Variants in SP1 observed in about 807,000 individuals in gnomAD.
SP1 encodes the protein transcription factor Sp1.
Under a neutral mutation model 66.3 loss-of-function variants are expected in SP1, and 6 were observed. That is an observed-to-expected ratio of 0.09 (90% CI 0.05 to 0.18). The LOEUF (loss-of-function observed/expected upper bound fraction) is 0.18, where lower values mean the gene tolerates loss of function less well. SP1 is among the 10% of genes least tolerant of loss of function. The pLI is 1.00. For missense variants in SP1, 848 were observed against 964.5 expected (o/e 0.88, Z 1.60); for synonymous variants, 417 against 360.8 (o/e 1.16, Z -1.77).
intron 3 of SP1, among the ~76,000 whole-genome samples, chr12:53,406,384 A>T (rs1276050444): frequency 1.3e-5 from 2 of 151,970 alleles, no homozygotes; most frequent in Non-Finnish European, 2.9e-5. Flanking sequence ...TGGTATTTTC[A>T]ATGATGATTC....
intron 3 of SP1, among the ~76,000 whole-genome samples, chr12:53,395,388 A>C (rs1938463889): frequency 1.3e-5 from 2 of 152,216 alleles, no homozygotes; most frequent in South Asian, 4.2e-4. Context: ...ATTAAAAAAC[A>C]AAAAAGAGTG....
intron 3 of SP1, among the ~76,000 whole-genome samples, chr12:53,390,131 G>A (rs920730071): frequency 6.6e-6 from 1 of 152,096 alleles, no homozygotes; most frequent in Non-Finnish European, 1.5e-5. Context: ...TGATTTAAAT[G>A]TCTTACCAGT....
chr12:53,406,956 C>G (rs1390893771), intron 4 of SP1, among the ~76,000 whole-genome samples: 3 of 151,704 alleles, frequency 2.0e-5, no homozygotes, highest in African/African-American at 7.3e-5. Context: ...TCCCGAGTAG[C>G]TGGGACTACA....
At chr12:53,399,176 C>A (rs2136908353) in intron 3 of SP1, among the ~76,000 whole-genome samples, 1 of 152,212 alleles carries the variant, frequency 6.6e-6, no homozygotes, top group African/African-American at 2.4e-5. Context: ...ACATTTGTTT[C>A]CAAAATTTCA....
chr12:53,383,692 G>A (rs892085526), intron 3 of SP1, 70 bp downstream of exon 3: 5 of 1,250,590 alleles, frequency 4.0e-6, no homozygotes, highest in Middle Eastern at 2.1e-4. Context: ...TGAGTCTAAA[G>A]AAAGGAATAG....
intron 4 of SP1, among the ~76,000 whole-genome samples, chr12:53,407,396 T>C (rs945508326): frequency 1.3e-5 from 2 of 151,836 alleles, no homozygotes; most frequent in African/African-American, 4.8e-5. Flanking sequence ...GGCACATTCT[T>C]GGCTCACTGC....
intron 3 of SP1, among the ~76,000 whole-genome samples, chr12:53,403,181 A>C (rs1193260996): frequency 1.3e-5 from 2 of 152,218 alleles, no homozygotes; most frequent in East Asian, 3.9e-4. Context: ...TATTAGGCAT[A>C]GTAACTCAAA....
rs1000111602 is a variant in SP1, at chr12:53,406,608, C to T, written c.1699C>T (p.Leu567Phe). 5 of 1,613,864 alleles carry T rather than the reference C, an allele frequency of 3.1e-6. No homozygotes were observed. The African/African-American group carries it at 6.7e-5, about 22-fold the overall frequency. ...AGGTGATCATGGAGCTCAGCTTGGT[C>T]TCCATGGGGCTGGTGGTGATGGAAT... Reference protein sequence around the residue: ...APGDHGAQLGLHGAGGDGIHD... With the variant: ...APGDHGAQLGFHGAGGDGIHD... Residue 567 changes from leucine (L) to phenylalanine (F), a missense_variant, in exon 4 of 6, where the codon CTC (leucine) becomes TTC (phenylalanine). Leu to Phe is a conservative substitution (Grantham distance 22). Transcript: ENST00000327443.
intron 4 of SP1, 58 bp downstream of exon 4, chr12:53,406,811 T>G: frequency 6.9e-7 from 1 of 1,445,780 alleles, no homozygotes; most frequent in Non-Finnish European, 9.4e-7. Context: ...GATTTGGAGA[T>G]AAGAGGAAGA....
chr12:53,415,046 A>G lies in SP1; in HGVS notation c.*3806A>G, dbSNP rs2136925211. ...AATCTCAGAATTTATCTCCCTTAGA[A>G]GAGAGCCAGTAACTTATGTACAAGG... On this transcript the variant is annotated 3_prime_UTR_variant, in exon 6 of 6. Coordinates refer to ENST00000327443, the MANE Select transcript of SP1 (RefSeq NM_138473.3). 1 of 152,730 alleles carries G rather than the reference A, an allele frequency of 6.5e-6. No homozygotes were observed. The highest frequency in any genetic ancestry group is 2.1e-4 in the South Asian group (1 of 4,830). 9.5% of individuals were successfully genotyped at this position (152,730 alleles called of 1,614,324 possible).
At position 53,415,632 on chromosome 12, in the gene SP1, A is replaced by G. The variant is rs1938980402; in HGVS notation, c.*4392A>G. The G allele has an allele frequency of 6.7e-6, 1 of 150,098 alleles. No homozygotes were observed. The highest frequency in any genetic ancestry group is 1.5e-5 in the Non-Finnish European group (1 of 67,504). 9.3% of individuals were successfully genotyped at this position (150,098 alleles called of 1,614,324 possible). A position where few individuals can be genotyped will look rare whatever the true frequency, so the allele number is the denominator to read the frequency against. Reference sequence around the variant, plus strand: ...CAACTGCCCTAAGTCCTAGCTAAGTATCAGGGGAAAAAAAAAAAAAAAAAG... The same window carrying G: ...CAACTGCCCTAAGTCCTAGCTAAGTGTCAGGGGAAAAAAAAAAAAAAAAAG... On this transcript the variant is annotated 3_prime_UTR_variant, in exon 6 of 6. Coordinates refer to ENST00000327443, the MANE Select transcript of SP1 (RefSeq NM_138473.3).
In SP1 at chr12:53,412,808, C is replaced by T. The variant is rs1938921762; in HGVS notation, c.*1568C>T. Reference sequence around the variant, plus strand: ...ACGGCAGGGAACCTAGTGCATTTGGCACTGAGATTTAAATGCAACCAGAAT... The same window carrying T: ...ACGGCAGGGAACCTAGTGCATTTGGTACTGAGATTTAAATGCAACCAGAAT... On this transcript the variant is annotated 3_prime_UTR_variant, in exon 6 of 6. Coordinates refer to ENST00000327443, the MANE Select transcript of SP1 (RefSeq NM_138473.3). 6.6e-6 allele frequency: 1 copy of T among 152,562 alleles called. No homozygotes were observed. 9.5% of individuals were successfully genotyped at this position (152,562 alleles called of 1,614,324 possible). A position where few individuals can be genotyped will look rare whatever the true frequency, so the allele number is the denominator to read the frequency against.
chr12:53,383,093 A>G lies in SP1; in HGVS notation c.1146A>G (p.Ala382=), dbSNP rs758305096. The change falls in exon 3 of 6, where the codon GCA becomes GCG. Residue 382 remains alanine, a synonymous_variant. Transcript: ENST00000327443. ...QNQTSGGSLQ[A]GQQKEGEQNQ... is the part of the protein sequence containing the mutation. Reference sequence around the variant, plus strand: ...AGACATCTGGAGGCTCATTGCAAGCAGGCCAGCAAAAAGAAGGAGAGCAAA... The same window carrying G: ...AGACATCTGGAGGCTCATTGCAAGCGGGCCAGCAAAAAGAAGGAGAGCAAA... 25 of 1,614,118 alleles carry G rather than the reference A, an allele frequency of 1.5e-5. No homozygotes were observed. Among genetic ancestry groups the G allele is most frequent in the Non-Finnish European group, 2.1e-5 (25 of 1,180,056 alleles).
rs1297795969 is a variant in SP1, at chr12:53,383,468, A to T, written c.1521A>T (p.Ser507=). Residue 507 remains serine, a synonymous_variant, in exon 3 of 6, where the codon TCA becomes TCT. Coordinates refer to ENST00000327443, the MANE Select transcript of SP1 (RefSeq NM_138473.3). ...ACACCACTCTCACACCCATTGCCTC[A>T]GCTGCTTCCATTCCTGCTGGCACAG... ...SSNTTLTPIA[S]AASIPAGTVT... is the part of the protein sequence containing the mutation. 6.2e-7 allele frequency: 1 copy of T among 1,614,110 alleles called. No individual in the cohort carries two copies. The highest frequency in any genetic ancestry group is 1.7e-5 in the Admixed American group (1 of 59,992).
At chr12:53,396,767 C>G (rs1938500787) in intron 3 of SP1, among the ~76,000 whole-genome samples, 1 of 152,042 alleles carries the variant, frequency 6.6e-6, no homozygotes, top group African/African-American at 2.4e-5. Context: ...TTATAGTCTT[C>G]TGGGTACTGT....
At position 53,382,298 on chromosome 12, in the gene SP1, C is replaced by T. The variant is rs375970211; in HGVS notation, c.351C>T (p.Thr117=). Reference sequence around the variant, plus strand: ...TCATCTCTTCCTCCTCTGGGGCTACCCCTACCTCAAAGGAACAGAGTGGCA... The same window carrying T: ...TCATCTCTTCCTCCTCTGGGGCTACTCCTACCTCAAAGGAACAGAGTGGCA... The part of the protein sequence containing the change: ...WQIISSSSGA[T]PTSKEQSGSS... The change falls in exon 3 of 6, where the codon ACC becomes ACT. Residue 117 remains threonine, a synonymous_variant. Transcript: ENST00000327443. The T allele has an allele frequency of 1.9e-6, 3 of 1,614,046 alleles. No homozygotes were observed. The highest frequency in any genetic ancestry group is 2.7e-5 in the African/African-American group (2 of 74,918).
chr12:53,411,178 G>A lies in SP1; in HGVS notation c.2296G>A (p.Gly766Ser). ...PEGIARLANS[G>S]INVMQVADLQ... Reference sequence around the variant, plus strand: ...GGGCATTGCCCGTCTTGCCAACAGTGGCATCAACGTCATGCAGGTGGCAGA... The same window carrying A: ...GGGCATTGCCCGTCTTGCCAACAGTAGCATCAACGTCATGCAGGTGGCAGA... Residue 766 changes from glycine (G) to serine (S), a missense_variant, in exon 6 of 6, where the codon GGC becomes AGC. Gly to Ser is a moderately conservative substitution (Grantham distance 56). Coordinates refer to ENST00000327443, the MANE Select transcript of SP1 (RefSeq NM_138473.3). The A allele has an allele frequency of 1.2e-6, 2 of 1,614,008 alleles. No individual in the cohort carries two copies. Among genetic ancestry groups the A allele is most frequent in the Non-Finnish European group, 1.7e-6 (2 of 1,180,030 alleles).
chr12:53,416,431 G>A lies in SP1; in HGVS notation c.*5191G>A, dbSNP rs1380166131. On this transcript the variant is annotated 3_prime_UTR_variant, in exon 6 of 6. Coordinates refer to ENST00000327443, the MANE Select transcript of SP1 (RefSeq NM_138473.3). The stretch of plus-strand genomic sequence containing the variant: ...GCCTCCTTTGTAAACCAATTAAAAA[G>A]TTTTTTAATAAAAAACCATGTCTCT... 1 of 145,438 alleles carries A rather than the reference G, an allele frequency of 6.9e-6. No individual in the cohort carries two copies. The highest frequency in any genetic ancestry group is 1.5e-5 in the Non-Finnish European group (1 of 66,570). The allele number at this position is 145,438 out of a possible 1,614,324, so 9.0% of individuals were successfully genotyped here.
At chr12:53,390,317 T>C (rs545703202) in intron 3 of SP1, among the ~76,000 whole-genome samples, 4 of 152,302 alleles carry the variant, frequency 2.6e-5, no homozygotes, top group African/African-American at 4.8e-5. Flanking sequence ...GATATACTTG[T>C]TTCTTAGGGT....
Sources: gnomAD v4.1 joint callset for allele counts (sites outside exome capture counted in the v4.1 genomes callset) on GRCh38, gnomAD v4.1.1 for gene constraint, MANE v1.5 for transcripts, NCBI Gene and HGNC (gene_info 2026-07-23, HGNC 2026-07-21) for gene names.